SPON1: variants seen among roughly 807,000 people sequenced by gnomAD.
SPON1 encodes the protein spondin 1.
SPON1 carries 52 observed loss-of-function variants against 111.7 expected under a neutral mutation model. The ratio of observed to expected loss-of-function variants is 0.47; its 90% CI spans 0.37 to 0.59. The LOEUF (loss-of-function observed/expected upper bound fraction) is 0.59, where lower values mean the gene tolerates loss of function less well. Ranked by LOEUF, SPON1 falls within the 20% of genes least tolerant of loss-of-function variation. SPON1 has a pLI of 0.00. For synonymous variants in SPON1, 410 were observed against 395.8 expected (o/e 1.04, Z -0.43); for missense variants, 957 against 1,068.5 (o/e 0.90, Z 1.46).
intron 6 of SPON1, among the ~76,000 whole-genome samples, chr11:14,216,226 C>T (rs145483321): frequency 1.3e-5 from 2 of 152,310 alleles, no homozygotes; most frequent in Non-Finnish European, 2.9e-5. Flanking sequence ...GGAGATTCAA[C>T]TCTAGACAAT....
intron 3 of SPON1, among the ~76,000 whole-genome samples, chr11:14,067,772 G>C (rs1309007341): frequency 6.6e-6 from 1 of 152,188 alleles, no homozygotes; most frequent in East Asian, 1.9e-4. Flanking sequence ...GGACTATCAT[G>C]ACTGGCATGT....
chr11:14,240,589 TTGTGTGTGTGTGTGTGTG>T (rs56265194), intron 6 of SPON1, among the ~76,000 whole-genome samples: 26 of 140,252 alleles, frequency 1.9e-4, no homozygotes, highest in Non-Finnish European at 2.4e-4. Context: ...AGAAGCAATA[TTGTGTGTGTGTGTGTGTG>T]TGTGTGTGTG....
chr11:14,264,049 AG>A (rs1382450765), intron 15 of SPON1, among the ~76,000 whole-genome samples: 9 of 151,796 alleles, frequency 5.9e-5, no homozygotes, highest in Non-Finnish European at 7.4e-5. Context: ...AAAAAAAAAA[AG>A]AAAAGTACAT....
At chr11:14,041,393 TG>T in intron 2 of SPON1, 127 bp from the exon 3 acceptor site, 1 of 1,109,232 alleles carries the variant, frequency 9.0e-7, no homozygotes, top group Non-Finnish European at 1.3e-6. Flanking sequence ...TTCTGGTGCC[TG>T]GGGATACAGA....
intron 3 of SPON1, among the ~76,000 whole-genome samples, chr11:14,060,823 A>G (rs141018865): frequency 6.6e-6 from 1 of 152,290 alleles, no homozygotes; most frequent in East Asian, 1.9e-4. Flanking sequence ...GTGGGCCAAC[A>G]CTGATCCATT....
intron 5 of SPON1, among the ~76,000 whole-genome samples, chr11:14,087,682 A>G (rs1849017568): frequency 6.6e-6 from 1 of 152,206 alleles, no homozygotes; most frequent in Non-Finnish European, 1.5e-5. Flanking sequence ...AGCTGAATTA[A>G]AGTCCCGAAT....
intron 7 of SPON1, among the ~76,000 whole-genome samples, chr11:14,252,046 G>T (rs567293393): frequency 1.3e-5 from 2 of 152,334 alleles, no homozygotes; most frequent in African/African-American, 4.8e-5. Flanking sequence ...AAGATATTGA[G>T]ACTTGAAGAG....
chr11:13,990,788 A>T (rs2618513), intron 2 of SPON1, among the ~76,000 whole-genome samples: 4 of 151,862 alleles, frequency 2.6e-5, no homozygotes, highest in African/African-American at 9.7e-5. Context: ...ATCTCTCAGC[A>T]TTTGCTTGTC....
chr11:14,179,916 T>C (rs1487915720), intron 6 of SPON1, among the ~76,000 whole-genome samples: 1 of 152,222 alleles, frequency 6.6e-6, no homozygotes, highest in Non-Finnish European at 1.5e-5. Context: ...TATTTGTCTC[T>C]ACTTCCTATT....
intron 3 of SPON1, among the ~76,000 whole-genome samples, chr11:14,070,886 A>G (rs1166069899): frequency 1.3e-5 from 2 of 152,192 alleles, no homozygotes; most frequent in Non-Finnish European, 2.9e-5. Flanking sequence ...TGTTCACTTC[A>G]GGTTGAAAAG....
At chr11:14,010,005 C>T (rs372723143) in intron 2 of SPON1, among the ~76,000 whole-genome samples, 7 of 152,148 alleles carry the variant, frequency 4.6e-5, no homozygotes, top group African/African-American at 1.4e-4. Context: ...CAAATGAGGA[C>T]AGGGGCCACT....
intron 6 of SPON1, among the ~76,000 whole-genome samples, chr11:14,141,528 A>G (rs1341546028): frequency 6.6e-6 from 1 of 152,168 alleles, no homozygotes; most frequent in East Asian, 1.9e-4. Context: ...GGACCCTAAT[A>G]CAGGCATTGA....
chr11:13,977,381 C>T (rs562873262), intron 1 of SPON1, among the ~76,000 whole-genome samples: 12 of 152,224 alleles, frequency 7.9e-5, no homozygotes, highest in Admixed American at 3.9e-4. Context: ...CTGTTAGATA[C>T]GCAGTACTAT....
chr11:14,073,293 A>G (rs1554921108), intron 3 of SPON1, among the ~76,000 whole-genome samples: 2 of 152,182 alleles, frequency 1.3e-5, no homozygotes, highest in Non-Finnish European at 1.5e-5. Context: ...TCCTAACCCT[A>G]AATTTATGTG....
Position 14,256,684 on chromosome 11 carries a change from A to C in SPON1, c.1301A>C (p.Lys434Thr). The change falls in exon 10 of 16, where the codon AAA (lysine) becomes ACA (threonine). Residue 434 changes from lysine (K) to threonine (T), a missense_variant. Lys to Thr is a moderately conservative substitution (Grantham distance 78). Transcript: ENST00000576479. ...DIVADLAPEE[K>T]DEDDTPETCI... Reference sequence around the variant, plus strand: ...GTAGCTGACCTGGCTCCAGAAGAGAAAGATGAAGGTACGTTGTTTTCTTTT... The same window carrying C: ...GTAGCTGACCTGGCTCCAGAAGAGACAGATGAAGGTACGTTGTTTTCTTTT... 1 of 1,613,424 alleles carries C rather than the reference A, an allele frequency of 6.2e-7. No homozygotes were observed. Among genetic ancestry groups the C allele is most frequent in the Non-Finnish European group, 8.5e-7 (1 of 1,179,466 alleles).
At chr11:14,226,665 C>T (rs1554938165) in intron 6 of SPON1, among the ~76,000 whole-genome samples, 1 of 152,212 alleles carries the variant, frequency 6.6e-6, no homozygotes, top group Non-Finnish European at 1.5e-5. Context: ...ATTAGACTCA[C>T]TAATCAAAAA....
At chr11:13,980,051 T>C (rs1274129602) in intron 1 of SPON1, among the ~76,000 whole-genome samples, 1 of 124,114 alleles carries the variant, frequency 8.1e-6, no homozygotes, top group Non-Finnish European at 1.9e-5. Flanking sequence ...CATTCCTTCT[T>C]TTTTTTTTTG....
intron 3 of SPON1, among the ~76,000 whole-genome samples, chr11:14,054,227 C>T (rs1848728356): frequency 6.6e-6 from 1 of 152,104 alleles, no homozygotes; most frequent in Admixed American, 6.5e-5. Context: ...GGAGAAAAAG[C>T]TCCTTTATGT....
chr11:14,148,632 G>T (rs1318034990), intron 6 of SPON1, among the ~76,000 whole-genome samples: 1 of 152,154 alleles, frequency 6.6e-6, no homozygotes, highest in African/African-American at 2.4e-5. Context: ...GAAAACTGAG[G>T]CTCAGAAAAT....
Sources: gnomAD v4.1 joint callset for allele counts (sites outside exome capture counted in the v4.1 genomes callset) on GRCh38, gnomAD v4.1.1 for gene constraint, MANE v1.5 for transcripts, NCBI Gene and HGNC (gene_info 2026-07-23, HGNC 2026-07-21) for gene names.